EYS: variants seen among roughly 807,000 people sequenced by gnomAD.
EYS encodes the protein protein eyes shut homolog.
A neutral mutation model predicts 282.1 loss-of-function variants in EYS; 250 were observed. The ratio of observed to expected loss-of-function variants is 0.89; its 90% confidence interval spans 0.80 to 0.98. The LOEUF is 0.98. EYS is among the 50% of genes least tolerant of loss of function. EYS has a pLI of 0.00. For missense variants in EYS, 4,016 were observed against 3,709.0 expected, an observed-to-expected ratio of 1.08 and a Z score of -2.15; for synonymous variants, 1,355 against 1,282.9, an observed-to-expected ratio of 1.06 and a Z score of -1.20.
chr6:64,263,895 C>A (rs530893357), intron 30 of EYS, among the ~76,000 whole-genome samples: 2 of 152,232 alleles, frequency 1.3e-5, no homozygotes, highest in East Asian at 3.9e-4. Context: ...ATAAAGCCTG[C>A]AGCTTCAAAT....
At chr6:63,916,720 A>G (rs796938604) in intron 35 of EYS, among the ~76,000 whole-genome samples, 1 of 152,168 alleles carries the variant, frequency 6.6e-6, no homozygotes, top group African/African-American at 2.4e-5. Flanking sequence ...AATGTTTTAA[A>G]TTTTGATGAA....
chr6:64,867,584 G>GC (rs1766462759), intron 19 of EYS, among the ~76,000 whole-genome samples: 3 of 151,602 alleles, frequency 2.0e-5, no homozygotes, highest in African/African-American at 7.2e-5. Flanking sequence ...GTTCTCTATA[G>GC]ATGCTTATCT....
At chr6:64,490,250 T>C (rs1456122655) in intron 26 of EYS, among the ~76,000 whole-genome samples, 2 of 150,812 alleles carry the variant, frequency 1.3e-5, no homozygotes, top group African/African-American at 4.8e-5. Context: ...AAATGAATGG[T>C]CAACAGTTAA....
chr6:64,659,891 C>T (rs1179743412), intron 22 of EYS, among the ~76,000 whole-genome samples: 2 of 152,256 alleles, frequency 1.3e-5, no homozygotes, highest in South Asian at 2.1e-4. Flanking sequence ...TTTTATGAGG[C>T]CAGCATCATC....
At chr6:64,300,935 A>C (rs947496992) in intron 30 of EYS, among the ~76,000 whole-genome samples, 1 of 152,230 alleles carries the variant, frequency 6.6e-6, no homozygotes, top group Non-Finnish European at 1.5e-5. Context: ...TATCATGTAA[A>C]TCAAGCTTTG....
Position 63,973,618 on chromosome 6 carries a change from T to A in EYS, c.7055+10765A>T, listed in dbSNP as rs147160966. 7.2e-5 allele frequency among the ~76,000 whole-genome samples: 11 copies of A among 152,280 alleles called. No individual in the cohort carries two copies. In the East Asian group the frequency reaches 2.1e-3, roughly 29 times the overall value. ...TATAAAGATATTTTAAGTAGTAACA[T>A]CATTTTAAGATAAATTCGTATGAGA... On this transcript the variant is annotated intron_variant, in intron 35 of 42. Coordinates refer to ENST00000503581, the MANE Select transcript of EYS (RefSeq NM_001142800.2).
intron 5 of EYS, among the ~76,000 whole-genome samples, chr6:65,445,779 C>T (rs983778801): frequency 4.0e-5 from 6 of 151,678 alleles, no homozygotes; most frequent in Admixed American, 2.0e-4. Context: ...TTCAGTTCTA[C>T]TTTATTGATG....
chr6:64,568,765 G>A (rs1401136900), intron 26 of EYS, among the ~76,000 whole-genome samples: 2 of 152,056 alleles, frequency 1.3e-5, no homozygotes, highest in African/African-American at 2.4e-5. Flanking sequence ...CTCTTTAGAC[G>A]AAGCTTCCAG....
chr6:64,206,276 A>T (rs1452000362), intron 31 of EYS, among the ~76,000 whole-genome samples: 2 of 152,326 alleles, frequency 1.3e-5, no homozygotes, highest in East Asian at 3.9e-4. Flanking sequence ...ATATAGCAGT[A>T]TTTATACCAC....
At chr6:65,466,259 T>C (rs1764995091) in intron 5 of EYS, among the ~76,000 whole-genome samples, 1 of 152,148 alleles carries the variant, frequency 6.6e-6, no homozygotes, top group African/African-American at 2.4e-5. Context: ...AATATTTTAT[T>C]GAAGAATTTT....
At chr6:64,076,894 T>G (rs2149864351) in intron 32 of EYS, among the ~76,000 whole-genome samples, 1 of 151,994 alleles carries the variant, frequency 6.6e-6, no homozygotes, top group Middle Eastern at 3.4e-3. Flanking sequence ...CACAACCAGG[T>G]TTCCCAAAGA....
chr6:64,922,941 T>A (rs1370023226), intron 15 of EYS, among the ~76,000 whole-genome samples: 2 of 152,202 alleles, frequency 1.3e-5, no homozygotes, highest in Non-Finnish European at 2.9e-5. Context: ...TCATTTTGTT[T>A]AGGATTCAAG....
At chr6:63,937,340 CTTTTCTTTTT>C (rs1765089443) in intron 35 of EYS, among the ~76,000 whole-genome samples, 4 of 46,088 alleles carry the variant, frequency 8.7e-5, no homozygotes, top group Admixed American at 2.9e-4. Context: ...AGGCTTCTCT[CTTTTCTTTTT>C]TTTTTTTTTT....
intron 37 of EYS, among the ~76,000 whole-genome samples, chr6:63,799,498 G>C (rs942584447): frequency 6.6e-6 from 1 of 151,946 alleles, no homozygotes; most frequent in African/African-American, 2.4e-5. Context: ...AGCTAACTAG[G>C]ATAGCCTCTG....
At chr6:64,270,825 T>C (rs554630242) in intron 30 of EYS, among the ~76,000 whole-genome samples, 15 of 152,328 alleles carry the variant, frequency 9.8e-5, no homozygotes, top group Admixed American at 2.0e-4. Context: ...GAATTTCAGT[T>C]TGCTTTCCTT....
intron 12 of EYS, among the ~76,000 whole-genome samples, chr6:65,119,705 AAAAC>A (rs910738411): frequency 2.0e-5 from 3 of 148,366 alleles, no homozygotes; most frequent in African/African-American, 7.5e-5. Flanking sequence ...TTTGATATTA[AAAAC>A]AAACAAAAAT....
chr6:64,459,110 T>G (rs2150483502), intron 26 of EYS, among the ~76,000 whole-genome samples: 1 of 152,330 alleles, frequency 6.6e-6, no homozygotes, highest in East Asian at 1.9e-4. Context: ...AGAATTATGT[T>G]TTTAAAAAAT....
chr6:65,537,597 T>A (rs983573211), intron 2 of EYS, among the ~76,000 whole-genome samples: 15 of 152,148 alleles, frequency 9.9e-5, no homozygotes, highest in African/African-American at 3.6e-4. Context: ...ATTATGAATG[T>A]ATTTACTATT....
intron 31 of EYS, among the ~76,000 whole-genome samples, chr6:64,183,383 A>G (rs1302862097): frequency 6.6e-6 from 1 of 152,198 alleles, no homozygotes; most frequent in African/African-American, 2.4e-5. Context: ...CTGTCCAAGT[A>G]GTAGAGTGAA....
Sources: gnomAD v4.1 joint callset for allele counts (sites outside exome capture counted in the v4.1 genomes callset) on GRCh38, gnomAD v4.1.1 for gene constraint, MANE v1.5 for transcripts, NCBI Gene and HGNC (gene_info 2026-07-23, HGNC 2026-07-21) for gene names.